SASH1: variants seen among roughly 807,000 people sequenced by gnomAD.
SASH1 encodes the protein SAM and SH3 domain containing 1.
Under a neutral mutation model 125.2 loss-of-function variants are expected in SASH1, and 44 were observed. That is an observed-to-expected ratio of 0.35 (90% confidence interval 0.28 to 0.45). The LOEUF (loss-of-function observed/expected upper bound fraction) is 0.45. Among genes scored for constraint, SASH1 ranks in the 20% least tolerant of loss-of-function variants. The pLI, the probability that SASH1 is intolerant of heterozygous loss-of-function variation, is 1.00. For synonymous variants in SASH1, 639 were observed against 649.1 expected (o/e 0.98, Z 0.24); for missense variants, 1,426 against 1,614.5 (o/e 0.88, Z 2.00).
chr6:148,234,526 TAAG>T, the SASH1 span, among the ~76,000 whole-genome samples: 142 of 151,864 alleles, frequency 9.4e-4, no homozygotes, highest in Middle Eastern at 3.4e-3. Flanking sequence ...GAGGTGAGGA[TAAG>T]AAGAAGGAGG....
intron 1 of SASH1, among the ~76,000 whole-genome samples, chr6:148,305,809 C>A (rs569009431): frequency 6.6e-6 from 1 of 152,208 alleles, no homozygotes; most frequent in South Asian, 2.1e-4. Context: ...CAGAAACTAG[C>A]AACATCAGAA....
chr6:148,484,574 G>A (rs1314358013), intron 7 of SASH1, among the ~76,000 whole-genome samples: 17 of 148,466 alleles, frequency 1.1e-4, no homozygotes, highest in African/African-American at 4.0e-4. Context: ...TTCCTGTGCA[G>A]TGCACTTAAA....
chr6:148,226,680 C>T, the SASH1 span, among the ~76,000 whole-genome samples: 1 of 152,176 alleles, frequency 6.6e-6, no homozygotes, highest in Non-Finnish European at 1.5e-5. Context: ...CCTGTGTATT[C>T]CCACTGGCTT....
At chr6:148,543,075 G>C (rs957712715) in intron 17 of SASH1, among the ~76,000 whole-genome samples, 1 of 152,144 alleles carries the variant, frequency 6.6e-6, no homozygotes, top group Non-Finnish European at 1.5e-5. Context: ...TGCTTTGCTG[G>C]GACCTAAAAC....
chr6:148,444,147 TC>T (rs1297984252), intron 4 of SASH1, among the ~76,000 whole-genome samples: 1 of 152,180 alleles, frequency 6.6e-6, no homozygotes, highest in Non-Finnish European at 1.5e-5. Flanking sequence ...GCCTCGCAGA[TC>T]CAGTCTCCCA....
At chr6:148,243,449 T>C in the SASH1 span, among the ~76,000 whole-genome samples, 7 of 94,338 alleles carry the variant, frequency 7.4e-5, no homozygotes, top group Non-Finnish European at 1.3e-4. Context: ...AAATTCCATC[T>C]AAATAATAAT....
chr6:148,358,346 T>A (rs570332320), intron 1 of SASH1, among the ~76,000 whole-genome samples: 1 of 152,296 alleles, frequency 6.6e-6, no homozygotes, highest in Admixed American at 6.5e-5. Flanking sequence ...AATCTTGCAT[T>A]TGCTGGTTGG....
intron 7 of SASH1, among the ~76,000 whole-genome samples, chr6:148,477,950 G>A (rs541779881): frequency 3.1e-4 from 47 of 152,204 alleles, no homozygotes; most frequent in African/African-American, 1.0e-3. Context: ...ACCCGCCTCG[G>A]CCTCCCAAAG....
In SASH1 at chr6:148,462,774, A is replaced by G. The variant is rs114371254; in HGVS notation, c.387-5771A>G. On this transcript the variant is annotated intron_variant, in intron 4 of 19. Transcript: ENST00000367467. ...TAATAGAAAAGAAGCATCCTGTTAA[A>G]GAATGTATACAATTTGGAATTCTGT... 6.6e-3 allele frequency among the ~76,000 whole-genome samples: 1,012 copies of G among 152,324 alleles called. 10 individuals are homozygous for G. The highest frequency in any genetic ancestry group is 0.022 in the African/African-American group (927 of 41,574).
chr6:148,512,018 T>TTTATTTATCTA (rs1009458402), intron 8 of SASH1, among the ~76,000 whole-genome samples: 3 of 151,648 alleles, frequency 2.0e-5, no homozygotes, highest in Non-Finnish European at 4.4e-5. Flanking sequence ...TATTTATTTA[T>TTTATTTATCTA]TTATTTATTT....
intron 1 of SASH1, among the ~76,000 whole-genome samples, chr6:148,281,087 C>T (rs1779328334): frequency 6.8e-6 from 1 of 147,160 alleles, no homozygotes; most frequent in African/African-American, 2.5e-5. Flanking sequence ...GAATCACAGG[C>T]ATGCACCACC....
In SASH1 at chr6:148,406,752, G is replaced by A. The variant is rs142502201; in HGVS notation, c.285+16490G>A. The stretch of plus-strand genomic sequence containing the variant: ...GCAGAGAGAATCAAGCTCTCCAAGG[G>A]AGGAGCAGAGAGAATCAGGCTCTCC... On this transcript the variant is annotated intron_variant, in intron 2 of 19. Transcript: ENST00000367467. 8.3e-3 allele frequency among the ~76,000 whole-genome samples: 1,270 copies of A among 152,246 alleles called. 10 individuals are homozygous for A. Among genetic ancestry groups the A allele is most frequent in the Non-Finnish European group, 0.013 (902 of 67,998 alleles).
At chr6:148,220,876 T>C in the SASH1 span, among the ~76,000 whole-genome samples, 2 of 152,228 alleles carry the variant, frequency 1.3e-5, no homozygotes, top group African/African-American at 4.8e-5. Flanking sequence ...GTCGTGCCAC[T>C]GCACTCCAGT....
intron 17 of SASH1, among the ~76,000 whole-genome samples, chr6:148,541,827 C>T (rs1782237658): frequency 6.6e-6 from 1 of 152,118 alleles, no homozygotes; most frequent in Non-Finnish European, 1.5e-5. Flanking sequence ...AGCCATGATG[C>T]CCTGCTATTC....
chr6:148,198,072 A>T, the SASH1 span, among the ~76,000 whole-genome samples: 1 of 151,860 alleles, frequency 6.6e-6, no homozygotes. Context: ...CTGGTCTCAC[A>T]CTCCTAACCT....
chr6:148,243,469 A>AATT, the SASH1 span, among the ~76,000 whole-genome samples: 39 of 144,574 alleles, frequency 2.7e-4, no homozygotes, highest in African/African-American at 9.4e-4. Context: ...TAATAATAAT[A>AATT]ATAATAATAA....
intron 1 of SASH1, among the ~76,000 whole-genome samples, chr6:148,301,578 TTTC>T (rs1174029094): frequency 6.7e-6 from 1 of 150,370 alleles, no homozygotes; most frequent in Non-Finnish European, 1.5e-5. Flanking sequence ...GGGTTTTTCT[TTTC>T]TTTTCTTTTC....
intron 16 of SASH1, among the ~76,000 whole-genome samples, chr6:148,538,125 C>G (rs920315711): frequency 1.3e-5 from 2 of 152,168 alleles, no homozygotes; most frequent in Non-Finnish European, 2.9e-5. Flanking sequence ...CCCTTCCTTA[C>G]GCCAACTGTG....
At chr6:148,399,214 C>CTTTTTTTTTTTTTTTTTTT (rs371374910) in intron 2 of SASH1, among the ~76,000 whole-genome samples, 25 of 106,666 alleles carry the variant, frequency 2.3e-4, no homozygotes, top group Non-Finnish European at 3.8e-4. Flanking sequence ...ATTTCAGCTT[C>CTTTTTTTTTTTTTTTTTTT]TTTTTTTTTT....
Sources: allele counts gnomAD v4.1 joint callset (sites outside exome capture counted in the v4.1 genomes callset), GRCh38; gene constraint gnomAD v4.1.1; transcripts MANE v1.5; gene names NCBI Gene and HGNC (gene_info 2026-07-23, HGNC 2026-07-21).